STXBP4: variants seen among roughly 807,000 people sequenced by gnomAD.
STXBP4 encodes the protein syntaxin binding protein 4, also known as syntaxin-binding protein 4.
STXBP4 carries 55 observed loss-of-function variants against 76.1 expected under a neutral mutation model. The ratio of observed to expected loss-of-function variants is 0.72; its 90% CI spans 0.58 to 0.91. The LOEUF (loss-of-function observed/expected upper bound fraction) is 0.91. STXBP4 is among the 40% of genes least tolerant of loss of function. The probability of loss-of-function intolerance (pLI) is 0.00; values close to 1 mark genes in which losing one functional copy is unlikely to be tolerated. For missense variants in STXBP4, 618 were observed against 636.9 expected, an observed-to-expected ratio of 0.97 and a Z score of 0.32; for synonymous variants, 201 against 220.2, an observed-to-expected ratio of 0.91 and a Z score of 0.77.
chr17:55,094,893 T>A (rs138663076), intron 16 of STXBP4, among the ~76,000 whole-genome samples: 5 of 152,142 alleles, frequency 3.3e-5, no homozygotes, highest in African/African-American at 9.7e-5. Flanking sequence ...AAAACAAATA[T>A]CTAGTGTGAA....
At chr17:55,176,194 GCAGAGAAGAAGGCAAAC>G (rs2080430241), downstream of STXBP4, among the ~76,000 whole-genome samples, 2 of 152,220 alleles carry the variant, frequency 1.3e-5, no homozygotes, top group Non-Finnish European at 2.9e-5. Flanking sequence ...GTCAAGTGAA[GCAGAGAAGAAGGCAAAC>G]TCAGCACAGG....
Position 55,041,592 on chromosome 17 carries a change from T to A in STXBP4, c.856-1644T>A, listed in dbSNP as rs891548931. ...TAGAGTAGGCCATATGAATGTTGAG[T>A]AGCAACATTGAGTTTCCCAGATTGT... On this transcript the variant is annotated intron_variant, in intron 10 of 17. Coordinates refer to ENST00000376352, the MANE Select transcript of STXBP4 (RefSeq NM_178509.6). Among the ~76,000 whole-genome samples the A allele has an allele frequency of 3.9e-5, 6 of 152,114 alleles. No individual in the cohort carries two copies. The East Asian group carries it at 1.2e-3, about 29-fold the overall frequency.
intron 8 of STXBP4, among the ~76,000 whole-genome samples, chr17:55,011,772 T>C (rs2787476): frequency 0.79 from 119,710 of 151,520 alleles, 47,913 homozygotes; most frequent in African/African-American, 0.91. Flanking sequence ...AAAGTGAATG[T>C]GGTCAGCTTC....
intron 4 of STXBP4, among the ~76,000 whole-genome samples, chr17:54,998,143 A>G (rs2077846903): frequency 6.6e-6 from 1 of 152,130 alleles, no homozygotes; most frequent in African/African-American, 2.4e-5. Flanking sequence ...TTTAGGAGTA[A>G]AATAACTGTG....
At chr17:55,117,141 G>A (rs760881490) in intron 16 of STXBP4, among the ~76,000 whole-genome samples, 11 of 151,754 alleles carry the variant, frequency 7.2e-5, no homozygotes, top group South Asian at 4.1e-4. Context: ...GAAATTCTTG[G>A]TAGGCAAAAA....
At chr17:55,054,843 C>T (rs2078904862) in intron 12 of STXBP4, among the ~76,000 whole-genome samples, 1 of 151,822 alleles carries the variant, frequency 6.6e-6, no homozygotes, top group Non-Finnish European at 1.5e-5. Flanking sequence ...TAACTGAGGG[C>T]ATAAGGGGAC....
At chr17:54,983,453 G>A (rs921661404) in intron 1 of STXBP4, among the ~76,000 whole-genome samples, 1 of 151,142 alleles carries the variant, frequency 6.6e-6, no homozygotes, top group African/African-American at 2.5e-5. Context: ...ACTCACTTTG[G>A]TACCAGTAGA....
At chr17:55,092,246 A>T (rs1422513675) in intron 16 of STXBP4, among the ~76,000 whole-genome samples, 4 of 152,166 alleles carry the variant, frequency 2.6e-5, no homozygotes, top group Non-Finnish European at 5.9e-5. Context: ...AAACCTCAGA[A>T]ATCACACCTA....
chr17:55,016,112 C>T (rs1291517553), intron 8 of STXBP4, among the ~76,000 whole-genome samples: 1 of 152,134 alleles, frequency 6.6e-6, no homozygotes. Flanking sequence ...AACAGGGATG[C>T]CAGCACCCCT....
chr17:55,077,574 C>T (rs1369473463), intron 13 of STXBP4, among the ~76,000 whole-genome samples: 1 of 152,030 alleles, frequency 6.6e-6, no homozygotes, highest in Non-Finnish European at 1.5e-5. Context: ...TCAGCATATA[C>T]CCTCCGAACA....
intron 16 of STXBP4, among the ~76,000 whole-genome samples, chr17:55,090,553 C>T (rs2079397704): frequency 1.3e-5 from 2 of 152,080 alleles, no homozygotes; most frequent in African/African-American, 4.8e-5. Context: ...AGGTCAAAAA[C>T]CAGTTCTGAG....
intron 4 of STXBP4, among the ~76,000 whole-genome samples, chr17:54,998,575 T>G (rs1163098609): frequency 6.6e-6 from 1 of 152,202 alleles, no homozygotes; most frequent in Non-Finnish European, 1.5e-5. Context: ...CAGTTAGAAT[T>G]GTCATTATTA....
At position 55,170,524 on chromosome 17, in the gene STXBP4, A is replaced by G. The variant is rs1160522575; in HGVS notation, c.*10613A>G. On this transcript the variant is annotated 3_prime_UTR_variant, in exon 18 of 18. Transcript: ENST00000376352. ...ACTCTACAGTGAGCCTGTCCTTTAT[A>G]AGAAAAAATGCTAATGATTTATTGT... 1.3e-5 allele frequency: 2 copies of G among 152,208 alleles called. No homozygotes were observed. The highest frequency in any genetic ancestry group is 2.9e-5 in the Non-Finnish European group (2 of 68,020). 9.4% of individuals were successfully genotyped at this position (152,208 alleles called of 1,614,324 possible).
chr17:55,141,378 G>A lies in STXBP4; in HGVS notation c.1547+11G>A. The A allele has an allele frequency of 1.2e-6, 2 of 1,607,398 alleles. No homozygotes were observed. ...CAAGTACTTCATCAAGTAAGTACAAGCATCTCAACCAAGTAAGCAATTTTC... is the reference window on the plus strand; with the variant it reads ...CAAGTACTTCATCAAGTAAGTACAAACATCTCAACCAAGTAAGCAATTTTC... On this transcript the variant is annotated intron_variant, in intron 17 of 17. Coordinates refer to ENST00000376352, the MANE Select transcript of STXBP4 (RefSeq NM_178509.6).
At chr17:55,097,045 T>G (rs1370028678) in intron 16 of STXBP4, among the ~76,000 whole-genome samples, 8 of 152,330 alleles carry the variant, frequency 5.3e-5, no homozygotes, top group East Asian at 3.9e-4. Context: ...AACAACTGAA[T>G]CTTTAATATT....
At chr17:55,181,307 T>C in the STXBP4 span, among the ~76,000 whole-genome samples, 5,072 of 152,306 alleles carry the variant, frequency 0.033, 258 homozygotes, top group African/African-American at 0.11. Context: ...TAGGTACAAA[T>C]TTTTTAAATA....
the STXBP4 span, among the ~76,000 whole-genome samples, chr17:55,197,165 C>A: frequency 6.6e-6 from 1 of 152,300 alleles, no homozygotes; most frequent in South Asian, 2.1e-4. Context: ...GATGGGAAGG[C>A]AGGCATGATT....
At position 55,050,331 on chromosome 17, in the gene STXBP4, A is replaced by G. The variant is rs2078844246; in HGVS notation, c.1011+3177A>G. Reference sequence around the variant, plus strand: ...AAAGACCTGAACAGATAATTCATCAAAAAAGCTATAAAAATGTCCATTAAA... The same window carrying G: ...AAAGACCTGAACAGATAATTCATCAGAAAAGCTATAAAAATGTCCATTAAA... On this transcript the variant is annotated intron_variant, in intron 12 of 17. Transcript: ENST00000376352. Among the ~76,000 whole-genome samples, 5 of 152,120 alleles carry G rather than the reference A, an allele frequency of 3.3e-5. No homozygotes were observed. In the South Asian group the frequency reaches 1.0e-3, roughly 31 times the overall value.
chr17:55,159,386 T>G (rs2080315940), intron 17 of STXBP4, among the ~76,000 whole-genome samples: 1 of 152,266 alleles, frequency 6.6e-6, no homozygotes, highest in African/African-American at 2.4e-5. Flanking sequence ...GTTCTTTGGC[T>G]GCAGTAGAGA....
Sources: allele counts gnomAD v4.1 joint callset (sites outside exome capture counted in the v4.1 genomes callset), GRCh38; gene constraint gnomAD v4.1.1; transcripts MANE v1.5; gene names NCBI Gene and HGNC (gene_info 2026-07-23, HGNC 2026-07-21).